Variants in SV2C observed in about 807,000 individuals in gnomAD.
The protein encoded by SV2C is synaptic vesicle glycoprotein 2C.
SV2C carries 49 observed loss-of-function variants against 79.7 expected under a neutral mutation model. The observed-to-expected ratio is 0.61, with a 90% CI of 0.49 to 0.78. SV2C has a LOEUF of 0.78. SV2C is among the 30% of genes least tolerant of loss of function. The pLI, the probability that SV2C is intolerant of heterozygous loss-of-function variation, is 0.00. For missense variants in SV2C, 833 were observed against 912.9 expected, an observed-to-expected ratio of 0.91 and a Z score of 1.13; for synonymous variants, 334 against 333.2, an observed-to-expected ratio of 1.00 and a Z score of -0.03.
chr5:76,084,004 T>C (rs1050255229), intron 1 of SV2C: 16 of 152,082 alleles, frequency 1.1e-4, no homozygotes, highest in African/African-American at 3.9e-4. Context: ...GACGTGCAGG[T>C]GGCGGGAGAG....
chr5:76,081,683 G>A (rs1344406363), upstream of SV2C, among the ~76,000 whole-genome samples: 2 of 152,212 alleles, frequency 1.3e-5, no homozygotes, highest in Non-Finnish European at 1.5e-5. Flanking sequence ...AGACCAGCAA[G>A]GAAGTGTAGG....
intron 6 of SV2C, among the ~76,000 whole-genome samples, chr5:76,290,284 A>T (rs1168256994): frequency 1.3e-5 from 2 of 152,172 alleles, no homozygotes; most frequent in Non-Finnish European, 2.9e-5. Context: ...GAGGGTCCCC[A>T]AGCCACCTCT....
At chr5:76,201,846 G>T (rs531919143) in intron 3 of SV2C, among the ~76,000 whole-genome samples, 1 of 151,698 alleles carries the variant, frequency 6.6e-6, no homozygotes, top group Admixed American at 6.6e-5. Flanking sequence ...GTGAAACCCC[G>T]TCTCTACTAA....
intron 2 of SV2C, among the ~76,000 whole-genome samples, chr5:76,140,163 T>C (rs1749205902): frequency 6.6e-6 from 1 of 152,198 alleles, no homozygotes; most frequent in Non-Finnish European, 1.5e-5. Flanking sequence ...CCAAAATTTA[T>C]TGAGCATCTA....
rs190741001 is a variant in SV2C at position 76,130,839 on chromosome 5, G to A, written c.-101-811G>A. Among the ~76,000 whole-genome samples, 145 of 152,232 alleles carry A rather than the reference G, an allele frequency of 9.5e-4. 1 individual carries two copies. Among genetic ancestry groups the A allele is most frequent in the Middle Eastern group, 6.8e-3 (2 of 294 alleles). ...AGGGAGAGAGAGAGAGTGTGTGTGC[G>A]TACTGGGTATCCAGAGATGAAGAAA... On this transcript the variant is annotated intron_variant, in intron 1 of 12. Transcript: ENST00000502798.
intron 2 of SV2C, among the ~76,000 whole-genome samples, chr5:76,176,374 T>A (rs1380438113): frequency 2.0e-5 from 3 of 152,194 alleles, no homozygotes; most frequent in South Asian, 2.1e-4. Context: ...GTAGGTGACA[T>A]GCTCCAGGAC....
intron 3 of SV2C, among the ~76,000 whole-genome samples, chr5:76,203,109 T>A (rs182266767): frequency 3.3e-5 from 5 of 152,294 alleles, no homozygotes; most frequent in Admixed American, 3.3e-4. Flanking sequence ...TTAGCAAAGG[T>A]ACTATTGATC....
In SV2C at chr5:76,353,099, C is replaced by T. The variant is rs1018874106; in HGVS notation, c.2001-31C>T. On this transcript the variant is annotated intron_variant, in intron 12 of 12. Transcript: ENST00000322285. ...AGGACTACAGGTGGGAGCCACCATGCCCAGCTAATTTTTTAATTTTTTTTT... is the reference window on the plus strand; with the variant it reads ...AGGACTACAGGTGGGAGCCACCATGTCCAGCTAATTTTTTAATTTTTTTTT... 7 of 401,276 alleles carry T rather than the reference C, an allele frequency of 1.7e-5. No individual in the cohort carries two copies. The African/African-American group carries it at 1.8e-4, about 10-fold the overall frequency. The allele number at this position is 401,276 out of a possible 1,614,324, so 24.9% of individuals were successfully genotyped here.
chr5:76,350,270 C>T (rs1032998337), intron 12 of SV2C, among the ~76,000 whole-genome samples: 2 of 152,156 alleles, frequency 1.3e-5, no homozygotes, highest in African/African-American at 4.8e-5. Flanking sequence ...CATGACTTAC[C>T]TATCTTCTAT....
intron 2 of SV2C, chr5:76,174,287 CG>C: frequency 8.6e-7 from 1 of 1,161,516 alleles, no homozygotes; most frequent in Admixed American, 2.0e-5. Context: ...CTACTCTAGG[CG>C]CCACGGCGGT....
chr5:75,877,795 G>C, the SV2C span, among the ~76,000 whole-genome samples: 2 of 151,798 alleles, frequency 1.3e-5, no homozygotes, highest in South Asian at 4.2e-4. Context: ...AGTGTTGAAG[G>C]GTATAAGTGT....
At chr5:75,876,359 G>A in the SV2C span, among the ~76,000 whole-genome samples, 4 of 152,034 alleles carry the variant, frequency 2.6e-5, no homozygotes, top group Non-Finnish European at 4.4e-5. Flanking sequence ...GCAGGTGGGA[G>A]CTAAATGATA....
chr5:76,286,125 T>C (rs1747349700), intron 6 of SV2C, among the ~76,000 whole-genome samples: 2 of 152,196 alleles, frequency 1.3e-5, no homozygotes, highest in South Asian at 4.1e-4. Flanking sequence ...TGCTTATGCC[T>C]ATCTAGGACT....
At chr5:75,984,567 A>ATCTATCTATCTATCTATATCTATC in the SV2C span, among the ~76,000 whole-genome samples, 27 of 102,912 alleles carry the variant, frequency 2.6e-4, no homozygotes, top group African/African-American at 6.3e-4. Context: ...CTATCTATCT[A>ATCTATCTATCTATCTATATCTATC]TATCTATCTA....
At chr5:76,212,516 G>C (rs1303593886) in intron 4 of SV2C, among the ~76,000 whole-genome samples, 9 of 145,892 alleles carry the variant, frequency 6.2e-5, no homozygotes, top group Admixed American at 4.8e-4. Context: ...GGCCAGCCTT[G>C]TTCTCTTTTC....
the SV2C span, among the ~76,000 whole-genome samples, chr5:75,876,408 G>T: frequency 6.6e-6 from 1 of 151,998 alleles, no homozygotes; most frequent in Non-Finnish European, 1.5e-5. Context: ...ACAGATACTG[G>T]GTTCTCCTTG....
At chr5:76,255,551 C>T (rs1322549593) in intron 4 of SV2C, among the ~76,000 whole-genome samples, 1 of 152,160 alleles carries the variant, frequency 6.6e-6, no homozygotes, top group Admixed American at 6.5e-5. Context: ...TCCTTTGGCC[C>T]CACTGTCCTA....
intron 1 of SV2C, among the ~76,000 whole-genome samples, chr5:76,103,071 G>T (rs1347560831): frequency 6.6e-6 from 1 of 152,054 alleles, no homozygotes; most frequent in African/African-American, 2.4e-5. Context: ...CAGTCCATAA[G>T]ACCATACAGG....
chr5:76,296,407 A>AT (rs1002857319), intron 9 of SV2C, among the ~76,000 whole-genome samples: 6 of 152,208 alleles, frequency 3.9e-5, no homozygotes, highest in Admixed American at 3.9e-4. Context: ...ATTGAGGTTA[A>AT]ATTGCATCAG....
Sources: gnomAD v4.1 joint callset for allele counts (sites outside exome capture counted in the v4.1 genomes callset) on GRCh38, gnomAD v4.1.1 for gene constraint, MANE v1.5 for transcripts, NCBI Gene and HGNC (gene_info 2026-07-23, HGNC 2026-07-21) for gene names.